C12orf42: variants seen among roughly 807,000 people sequenced by gnomAD.
The protein encoded by C12orf42 is chromosome 12 open reading frame 42.
C12orf42 carries 25 observed loss-of-function variants against 21.6 expected under a neutral mutation model. The ratio of observed to expected loss-of-function variants is 1.16; its 90% CI spans 0.84 to 1.62. The LOEUF is 1.62. Among genes scored for constraint, C12orf42 ranks in the 40% most tolerant of loss-of-function variants. C12orf42 has a pLI of 0.00. For synonymous variants in C12orf42, 174 were observed against 175.0 expected (o/e 0.99, Z 0.05); for missense variants, 483 against 459.3 (o/e 1.05, Z -0.47).
intron 2 of C12orf42, among the ~76,000 whole-genome samples, chr12:103,424,903 C>T (rs1415388349): frequency 2.0e-5 from 3 of 152,182 alleles, no homozygotes; most frequent in Admixed American, 1.3e-4. Context: ...GCAGATCCCA[C>T]CCCCATGGAA....
At chr12:103,119,044 A>G in the C12orf42 span, among the ~76,000 whole-genome samples, 1 of 152,070 alleles carries the variant, frequency 6.6e-6, no homozygotes, top group Non-Finnish European at 1.5e-5. Context: ...TTTGTCTTAG[A>G]CAATTAAAGA....
chr12:103,138,304 G>C, the C12orf42 span, among the ~76,000 whole-genome samples: 4 of 152,184 alleles, frequency 2.6e-5, no homozygotes, highest in Non-Finnish European at 4.4e-5. Context: ...GGTGGAAGGT[G>C]GTTGGATCAT....
the C12orf42 span, among the ~76,000 whole-genome samples, chr12:103,227,826 G>T: frequency 6.6e-6 from 1 of 152,146 alleles, no homozygotes; most frequent in Non-Finnish European, 1.5e-5. Context: ...GATAAAATGT[G>T]TCTCCTTTGT....
intron 2 of C12orf42, among the ~76,000 whole-genome samples, chr12:103,420,041 A>G (rs1372255315): frequency 6.6e-6 from 1 of 152,252 alleles, no homozygotes; most frequent in Non-Finnish European, 1.5e-5. Flanking sequence ...CAGATATCAT[A>G]TAAAATTGCA....
At chr12:103,279,667 G>A (rs559747353) in intron 4 of C12orf42, among the ~76,000 whole-genome samples, 6 of 152,258 alleles carry the variant, frequency 3.9e-5, no homozygotes, top group Admixed American at 3.9e-4. Flanking sequence ...TAGGTGTGTG[G>A]TTGAAAATGA....
chr12:103,164,323 T>A, the C12orf42 span: 1 of 435,448 alleles, frequency 2.3e-6, no homozygotes, highest in South Asian at 1.7e-5. Context: ...TCACAGCTGT[T>A]TGTATACTTA....
At chr12:103,441,157 A>C (rs1951215829) in intron 2 of C12orf42, among the ~76,000 whole-genome samples, 2 of 152,158 alleles carry the variant, frequency 1.3e-5, no homozygotes, top group Admixed American at 6.6e-5. Context: ...TATATTTTCC[A>C]AACAGCCCAT....
chr12:103,554,777 C>T, the C12orf42 span, among the ~76,000 whole-genome samples: 3 of 152,136 alleles, frequency 2.0e-5, no homozygotes, highest in African/African-American at 2.4e-5. Context: ...AGAACTCTAT[C>T]GCAAGACAGC....
At chr12:103,125,252 A>G in the C12orf42 span, among the ~76,000 whole-genome samples, 1 of 152,338 alleles carries the variant, frequency 6.6e-6, no homozygotes, top group East Asian at 1.9e-4. Context: ...TTTTAAAAAA[A>G]GGTAAGCTAA....
intron 2 of C12orf42, among the ~76,000 whole-genome samples, chr12:103,468,715 C>T (rs1331144856): frequency 6.6e-6 from 1 of 151,568 alleles, no homozygotes; most frequent in Non-Finnish European, 1.5e-5. Flanking sequence ...AAAACAAACC[C>T]TATGGGGAAA....
At chr12:103,550,398 T>C in the C12orf42 span, 1 of 152,264 alleles carries the variant, frequency 6.6e-6, no homozygotes, top group East Asian at 1.9e-4. Flanking sequence ...CGTCCTAATA[T>C]ACTGTTTATA....
intron 4 of C12orf42, among the ~76,000 whole-genome samples, chr12:103,335,314 T>C (rs558663713): frequency 6.6e-6 from 1 of 152,308 alleles, no homozygotes; most frequent in African/African-American, 2.4e-5. Context: ...AATAAACACT[T>C]ACCTCCACAC....
At chr12:103,383,799 A>G (rs1462433791) in intron 3 of C12orf42, among the ~76,000 whole-genome samples, 2 of 152,248 alleles carry the variant, frequency 1.3e-5, no homozygotes, top group African/African-American at 4.8e-5. Flanking sequence ...GTATTTTGAA[A>G]AACTGTTGAA....
chr12:103,423,863 T>C (rs187862881), intron 2 of C12orf42, among the ~76,000 whole-genome samples: 1 of 152,342 alleles, frequency 6.6e-6, no homozygotes. Context: ...GATAACAAGT[T>C]GAGAATTAGA....
At chr12:103,133,177 G>T in the C12orf42 span, among the ~76,000 whole-genome samples, 9 of 152,050 alleles carry the variant, frequency 5.9e-5, no homozygotes, top group Non-Finnish European at 1.2e-4. Context: ...ACCACAGCGG[G>T]CTCCCATCTG....
intron 2 of C12orf42, among the ~76,000 whole-genome samples, chr12:103,434,619 C>T (rs553345199): frequency 2.1e-4 from 32 of 152,076 alleles, no homozygotes; most frequent in African/African-American, 7.2e-4. Flanking sequence ...GTTCCCTTTC[C>T]GAGTCAAAGA....
intron 4 of C12orf42, among the ~76,000 whole-genome samples, chr12:103,281,915 A>AAGAAAG (rs1555243152): frequency 1.4e-5 from 2 of 141,944 alleles, no homozygotes; most frequent in South Asian, 2.4e-4. Flanking sequence ...AGAAGAAAGA[A>AAGAAAG]AAAGAAAGAA....
At chr12:103,344,990 A>G (rs1377038704) in intron 4 of C12orf42, among the ~76,000 whole-genome samples, 1 of 152,208 alleles carries the variant, frequency 6.6e-6, no homozygotes, top group Non-Finnish European at 1.5e-5. Flanking sequence ...ACAACTTAGT[A>G]GCTAAGACTT....
chr12:103,383,680 A>T (rs928585470), intron 3 of C12orf42, among the ~76,000 whole-genome samples: 3 of 152,244 alleles, frequency 2.0e-5, no homozygotes, highest in Admixed American at 2.0e-4. Flanking sequence ...GGAGTATGGC[A>T]ATAAACCATA....
Sources: allele counts gnomAD v4.1 joint callset (sites outside exome capture counted in the v4.1 genomes callset), GRCh38; gene constraint gnomAD v4.1.1; transcripts MANE v1.5; gene names NCBI Gene and HGNC (gene_info 2026-07-23, HGNC 2026-07-21).